CNTN6: variants seen among roughly 807,000 people sequenced by gnomAD.
The protein encoded by CNTN6 is contactin 6.
In CNTN6, 137 loss-of-function variants were observed where a neutral mutation model predicts 122.8. That is an observed-to-expected ratio of 1.12 (90% CI 0.97 to 1.29). The LOEUF is 1.29. Among genes scored for constraint, CNTN6 ranks in the 50% most tolerant of loss-of-function variants. The pLI is 0.00. For synonymous variants in CNTN6, 570 were observed against 426.0 expected, an observed-to-expected ratio of 1.34 and a Z score of -4.16; for missense variants, 1,634 against 1,223.4, an observed-to-expected ratio of 1.34 and a Z score of -5.01.
At chr3:1,301,501 G>A (rs186929032) in intron 7 of CNTN6, among the ~76,000 whole-genome samples, 36 of 152,186 alleles carry the variant, frequency 2.4e-4, no homozygotes, top group African/African-American at 7.2e-4. Flanking sequence ...GGAAATAACC[G>A]TTGAACATGA....
intron 2 of CNTN6, among the ~76,000 whole-genome samples, chr3:1,164,039 G>A (rs2093193283): frequency 6.6e-6 from 1 of 152,210 alleles, no homozygotes; most frequent in South Asian, 2.1e-4. Context: ...ATCTGGATTA[G>A]AGATGAACAA....
At position 1,373,693 on chromosome 3, in the gene CNTN6, A is replaced by G. The variant is rs1411119507; in HGVS notation, c.1876A>G (p.Ser626Gly). Residue 626 changes from serine to glycine, a missense_variant, in exon 15 of 23, where the codon AGT (serine) becomes GGT (glycine). Physicochemically the swap from Ser to Gly is moderately conservative, Grantham distance 56 (BLOSUM62 0). Coordinates refer to ENST00000446702, the MANE Select transcript of CNTN6 (RefSeq NM_001289080.2). ...LSWRAGPDNN[S>G]PIQIFTIQTR... ...TTGGAGAGCAGGCCCAGATAATAAC[A>G]GTCCCATTCAAATATTTACTATTCA... 1.9e-6 allele frequency: 3 copies of G among 1,613,206 alleles called. No homozygotes were observed. Among genetic ancestry groups the G allele is most frequent in the Non-Finnish European group, 1.7e-6 (2 of 1,179,392 alleles).
intron 2 of CNTN6, among the ~76,000 whole-genome samples, chr3:1,175,291 G>T (rs2093428758): frequency 6.7e-6 from 1 of 148,408 alleles, no homozygotes; most frequent in Admixed American, 6.7e-5. Flanking sequence ...CTTGATCTAA[G>T]GAGTTCAAAT....
chr3:1,229,700 A>T (rs983688457), intron 4 of CNTN6, among the ~76,000 whole-genome samples: 1 of 152,184 alleles, frequency 6.6e-6, no homozygotes, highest in Non-Finnish European at 1.5e-5. Flanking sequence ...GCCATATCAG[A>T]ATAAAAGTCT....
intron 7 of CNTN6, among the ~76,000 whole-genome samples, chr3:1,301,043 T>C (rs1341798980): frequency 7.0e-6 from 1 of 142,284 alleles, no homozygotes; most frequent in East Asian, 2.0e-4. Context: ...TTTTTTTTTT[T>C]TTTTTTTTTT....
In CNTN6 at chr3:1,155,138, T is replaced by C. The variant is rs544738375; in HGVS notation, c.55+7075T>C. The stretch of plus-strand genomic sequence containing the variant: ...TCACTCTTGTCAACCTTTTTTACTG[T>C]TTTCAATGAGCTCGTCGCTATCTGG... On this transcript the variant is annotated intron_variant, in intron 2 of 22. Transcript: ENST00000446702. 3.3e-5 allele frequency among the ~76,000 whole-genome samples: 5 copies of C among 152,298 alleles called. No homozygotes were observed. In the South Asian group the frequency reaches 6.2e-4, roughly 19 times the overall value.
intron 2 of CNTN6, among the ~76,000 whole-genome samples, chr3:1,156,869 C>G (rs1328748624): frequency 1.3e-5 from 2 of 151,918 alleles, no homozygotes; most frequent in African/African-American, 4.8e-5. Flanking sequence ...AAGCATGCAC[C>G]ATCGTGCCTG....
chr3:1,280,499 C>G (rs1177457245), intron 5 of CNTN6, among the ~76,000 whole-genome samples: 2 of 56,110 alleles, frequency 3.6e-5, no homozygotes, highest in African/African-American at 1.1e-4. Context: ...GCATCTCGCT[C>G]TGTCTCCCAG....
At chr3:1,224,669 G>A (rs560641916) in intron 3 of CNTN6, among the ~76,000 whole-genome samples, 11 of 152,040 alleles carry the variant, frequency 7.2e-5, no homozygotes, top group African/African-American at 2.4e-4. Context: ...GCACAAGCGC[G>A]CACACATGCA....
intron 5 of CNTN6, among the ~76,000 whole-genome samples, chr3:1,278,845 T>C (rs1281803557): frequency 1.3e-5 from 2 of 152,184 alleles, no homozygotes; most frequent in African/African-American, 2.4e-5. Context: ...TTTACCCCAC[T>C]TTGAGGCTTG....
At position 1,403,500 on chromosome 3, in the gene CNTN6, C is replaced by A; in HGVS notation, c.*82C>A. The A allele has an allele frequency of 5.2e-6, 4 of 765,372 alleles. No individual in the cohort carries two copies. The highest frequency in any genetic ancestry group is 8.7e-6 in the Non-Finnish European group (4 of 462,298). 47.4% of individuals were successfully genotyped at this position (765,372 alleles called of 1,614,324 possible). ...GCTCTCCAGCCTCTGACACAAGATG[C>A]GTTCTTAATACAGACTTGTTTGCAA... On this transcript the variant is annotated 3_prime_UTR_variant, in exon 23 of 23. Coordinates refer to ENST00000446702, the MANE Select transcript of CNTN6 (RefSeq NM_001289080.2).
chr3:1,267,389 A>T (rs2094943102), intron 4 of CNTN6, among the ~76,000 whole-genome samples: 2 of 151,908 alleles, frequency 1.3e-5, no homozygotes, highest in African/African-American at 4.8e-5. Context: ...AACCTTTCTG[A>T]GCACTGGTGT....
chr3:1,104,539 C>T (rs947183163), intron 1 of CNTN6, among the ~76,000 whole-genome samples: 1 of 152,082 alleles, frequency 6.6e-6, no homozygotes, highest in African/African-American at 2.4e-5. Flanking sequence ...TTGCAAACTA[C>T]ACTAAATTAT....
chr3:1,095,672 GA>G (rs781253282), intron 1 of CNTN6, among the ~76,000 whole-genome samples: 2 of 152,132 alleles, frequency 1.3e-5, no homozygotes, highest in African/African-American at 2.4e-5. Context: ...TTTGAAAATA[GA>G]AATAGTTTGA....
intron 5 of CNTN6, among the ~76,000 whole-genome samples, chr3:1,283,607 G>A (rs578201264): frequency 1.3e-5 from 2 of 152,222 alleles, no homozygotes; most frequent in South Asian, 2.1e-4. Context: ...ATGAAGCAAC[G>A]ATACATGTTA....
chr3:1,336,648 C>T (rs1174985198), intron 11 of CNTN6, among the ~76,000 whole-genome samples: 2 of 152,108 alleles, frequency 1.3e-5, no homozygotes, highest in East Asian at 3.9e-4. Context: ...ACTGTTAAAA[C>T]CTGTGTGGCC....
At chr3:1,128,677 C>T (rs889832113) in intron 1 of CNTN6, among the ~76,000 whole-genome samples, 1 of 152,068 alleles carries the variant, frequency 6.6e-6, no homozygotes, top group South Asian at 2.1e-4. Flanking sequence ...TTCACCTATT[C>T]TATTTTCCTT....
rs1206721650 is a variant in CNTN6 at position 1,149,995 on chromosome 3, G to A, written c.55+1932G>A. Among the ~76,000 whole-genome samples, 5 of 144,844 alleles carry A rather than the reference G, an allele frequency of 3.5e-5. No homozygotes were observed. The East Asian group carries it at 7.8e-4, about 23-fold the overall frequency. Reference sequence around the variant, plus strand: ...TCAACATGTCCTGTTGCTTTATTCTGATGGGAGAAATCATCATATACCCTT... The same window carrying A: ...TCAACATGTCCTGTTGCTTTATTCTAATGGGAGAAATCATCATATACCCTT... On this transcript the variant is annotated intron_variant, in intron 2 of 22. Transcript: ENST00000446702.
At chr3:1,323,737 C>A (rs962541492) in intron 8 of CNTN6, among the ~76,000 whole-genome samples, 1 of 151,606 alleles carries the variant, frequency 6.6e-6, no homozygotes, top group African/African-American at 2.4e-5. Flanking sequence ...CTTTTCATAA[C>A]CAGTCAATAT....
Sources: gnomAD v4.1 joint callset for allele counts (sites outside exome capture counted in the v4.1 genomes callset) on GRCh38, gnomAD v4.1.1 for gene constraint, MANE v1.5 for transcripts, NCBI Gene and HGNC (gene_info 2026-07-23, HGNC 2026-07-21) for gene names.